Variants in CTDSP1 observed in about 807,000 individuals in gnomAD.
CTDSP1 encodes carboxy-terminal domain RNA polymerase II polypeptide A small phosphatase 1.
In CTDSP1, 15 loss-of-function variants were observed where a neutral mutation model predicts 32.5. That is an observed-to-expected ratio of 0.46 (90% CI 0.31 to 0.71). The LOEUF (loss-of-function observed/expected upper bound fraction) is 0.71, where lower values mean the gene tolerates loss of function less well. Among genes scored for constraint, CTDSP1 ranks in the 30% least tolerant of loss-of-function variants. CTDSP1 has a pLI of 0.05. For missense variants in CTDSP1, 294 were observed against 351.1 expected, an observed-to-expected ratio of 0.84 and a Z score of 1.30; for synonymous variants, 185 against 145.4, an observed-to-expected ratio of 1.27 and a Z score of -1.96.
chr2:218,401,670 C>T lies in CTDSP1; in HGVS notation c.174C>T (p.Ser58=), dbSNP rs2227250. ...ATGGGGAGGCCCTGCCTGCTCACAG[C>T]GGGGCGCCCCTGCTTGTGGAGGAGA... ...RDDGEALPAH[S]GAPLLVEENG... Residue 58 remains serine, a synonymous_variant, in exon 2 of 7, where the codon AGC becomes AGT. Transcript: ENST00000273062. The T allele has an allele frequency of 7.7e-4, 1,231 of 1,604,748 alleles. 13 individuals carry two copies. In the African/African-American group the frequency reaches 0.013, roughly 18 times the overall value.
intron 1 of CTDSP1, chr2:218,400,443 G>A: frequency 1.9e-6 from 1 of 519,798 alleles, no homozygotes; most frequent in South Asian, 1.9e-5. Context: ...GGCATTGCGT[G>A]GTGCATGGGC....
chr2:218,400,151 G>A lies in CTDSP1; in HGVS notation c.61G>A (p.Gly21Ser). ...SKEEARGPLR[G>S]KGDQKSAASQ... ...GGAGGAGGCTCGGGGCCCGCTGCGG[G>A]GCAAAGGTACCGGGGCTGCGGGGAG... Residue 21 changes from glycine to serine, a missense_variant, in exon 1 of 7, where the codon GGC (glycine) becomes AGC (serine). Gly to Ser is a moderately conservative substitution (Grantham distance 56, BLOSUM62 0). Coordinates refer to ENST00000273062, the MANE Select transcript of CTDSP1 (RefSeq NM_021198.3). 1 of 1,545,594 alleles carries A rather than the reference G, an allele frequency of 6.5e-7. No individual in the cohort carries two copies. The highest frequency in any genetic ancestry group is 1.2e-5 in the South Asian group (1 of 83,690).
rs2227254 is a variant in CTDSP1, at chr2:218,402,967, C to A, written c.379-68C>A. 3.4e-3 allele frequency: 4,150 copies of A among 1,217,916 alleles called. 81 individuals are homozygous for A. In the African/African-American group the frequency reaches 0.037, roughly 11 times the overall value. The allele number at this position is 1,217,916 out of a possible 1,614,324, so 75.4% of individuals were successfully genotyped here. A position where few individuals can be genotyped will look rare whatever the true frequency, so the allele number is the denominator to read the frequency against. ...CGCCTCTGCCTCCCTGGCCCATGCC[C>A]TGCCAGCCCTCGGCCACCCCCACAC... On this transcript the variant is annotated intron_variant, in intron 4 of 6. Coordinates refer to ENST00000273062, the MANE Select transcript of CTDSP1 (RefSeq NM_021198.3).
intron 1 of CTDSP1, 158 bp downstream of exon 1, chr2:218,400,315 C>T: frequency 1.3e-6 from 1 of 765,442 alleles, no homozygotes; most frequent in Non-Finnish European, 2.2e-6. Flanking sequence ...AGAGTTTGAA[C>T]TCAGAGGAGG....
upstream of CTDSP1, among the ~76,000 whole-genome samples, chr2:218,398,101 C>G (rs1403309688): frequency 1.3e-5 from 2 of 152,192 alleles, no homozygotes; most frequent in Non-Finnish European, 2.9e-5. Context: ...GAGGCCACGA[C>G]TCCACTCAGT....
In CTDSP1 at chr2:218,405,937, C is replaced by T. The variant is rs925541582; in HGVS notation, c.*1512C>T. ...ATGAGAACTAAAGAGAAAGCCAGACCCCTATCCTGCTTCTGTGGTTATTGC... is the reference window on the plus strand; with the variant it reads ...ATGAGAACTAAAGAGAAAGCCAGACTCCTATCCTGCTTCTGTGGTTATTGC... On this transcript the variant is annotated 3_prime_UTR_variant, in exon 7 of 7. Coordinates refer to ENST00000273062, the MANE Select transcript of CTDSP1 (RefSeq NM_021198.3). 6.5e-6 allele frequency: 1 copy of T among 152,838 alleles called. No individual in the cohort carries two copies. Among genetic ancestry groups the T allele is most frequent in the African/African-American group, 2.4e-5 (1 of 41,454 alleles). The allele number at this position is 152,838 out of a possible 1,614,324, so 9.5% of individuals were successfully genotyped here.
upstream of CTDSP1, chr2:218,399,833 G>A: frequency 8.3e-7 from 1 of 1,206,752 alleles, no homozygotes; most frequent in Non-Finnish European, 1.0e-6. Flanking sequence ...CCCTTTTAAG[G>A]GGGAGCCTTG....
intron 1 of CTDSP1, chr2:218,401,327 C>G (rs1360496723): frequency 1.7e-6 from 1 of 577,352 alleles, no homozygotes; most frequent in Admixed American, 3.1e-5. Flanking sequence ...CACGCACTCC[C>G]TATGTGGGCG....
In CTDSP1 at chr2:218,400,122, G is replaced by C. The variant is rs769541036; in HGVS notation, c.32G>C (p.Ser11Thr). The part of the protein sequence containing the change: MDSSAVITQI[S>T]KEEARGPLRG... ...AGCTCGGCCGTCATTACTCAGATCA[G>C]CAAGGAGGAGGCTCGGGGCCCGCTG... Residue 11 changes from serine to threonine, a missense_variant, in exon 1 of 7, where the codon AGC (serine) becomes ACC (threonine). Around this residue, in one of 2 missense-constraint regions of CTDSP1, gnomAD observed 148 missense variants for 113.3 expected, o/e 1.31. Coordinates refer to ENST00000273062, the MANE Select transcript of CTDSP1 (RefSeq NM_021198.3). 3.2e-6 allele frequency: 5 copies of C among 1,545,508 alleles called. No individual in the cohort carries two copies. The highest frequency in any genetic ancestry group is 1.7e-6 in the Non-Finnish European group (2 of 1,145,266).
At position 218,404,311 on chromosome 2, in the gene CTDSP1, G is replaced by C; in HGVS notation, c.672G>C (p.Ser224=). The change falls in exon 7 of 7, where the codon TCG becomes TCC. Residue 224 remains serine, a synonymous_variant. Coordinates refer to ENST00000273062, the MANE Select transcript of CTDSP1 (RefSeq NM_021198.3). ...FHPDNAVPVA[S]WFDNMSDTEL... is the part of the protein sequence containing the mutation. ...CACTTCCCCAGGTACCGGTGGCCTCGTGGTTTGACAACATGAGTGACACAG... is the reference window on the plus strand; with the variant it reads ...CACTTCCCCAGGTACCGGTGGCCTCCTGGTTTGACAACATGAGTGACACAG... The C allele has an allele frequency of 6.2e-7, 1 of 1,614,020 alleles. No individual in the cohort carries two copies. Among genetic ancestry groups the C allele is most frequent in the East Asian group, 2.2e-5 (1 of 44,874 alleles).
intron 1 of CTDSP1, 161 bp downstream of exon 1, chr2:218,400,318 A>T (rs1305763604): frequency 4.0e-6 from 3 of 759,200 alleles, no homozygotes; most frequent in Non-Finnish European, 6.7e-6. Flanking sequence ...GTTTGAACTC[A>T]GAGGAGGCTC....
intron 1 of CTDSP1, chr2:218,400,497 C>G: frequency 2.4e-6 from 1 of 422,360 alleles, no homozygotes; most frequent in Non-Finnish European, 4.5e-6. Context: ...GATGGGGGAG[C>G]TGAGGAGGGC....
At chr2:218,400,726 A>AAG in intron 1 of CTDSP1, 2 of 455,808 alleles carry the variant, frequency 4.4e-6, no homozygotes, top group South Asian at 3.1e-5. Flanking sequence ...CGGCACTTCC[A>AAG]AGAGTCGCTT....
At position 218,400,176 on chromosome 2, in the gene CTDSP1, G is replaced by C. The variant is rs1441019921; in HGVS notation, c.67+19G>C. 1 of 1,536,260 alleles carries C rather than the reference G, an allele frequency of 6.5e-7. No homozygotes were observed. Among genetic ancestry groups the C allele is most frequent in the East Asian group, 2.5e-5 (1 of 40,694 alleles). ...GGCAAAGGTACCGGGGCTGCGGGGA[G>C]GGGGCCGAAGCCGGGGCGCCGTGGG... On this transcript the variant is annotated intron_variant, in intron 1 of 6. Transcript: ENST00000273062.
intron 1 of CTDSP1, chr2:218,401,242 A>C: frequency 1.2e-5 from 5 of 422,530 alleles, no homozygotes; most frequent in Non-Finnish European, 8.9e-6. Context: ...AGGCACCGCA[A>C]TGGGGCTGAT....
At chr2:218,403,477 A>C in intron 6 of CTDSP1, 60 bp downstream of exon 6, 1 of 1,472,710 alleles carries the variant, frequency 6.8e-7, no homozygotes, top group Non-Finnish European at 9.1e-7. Context: ...GGGTCAGTCC[A>C]TTCAGGCCAC....
At chr2:218,401,947 G>A (rs1225675506) in intron 2 of CTDSP1, among the ~76,000 whole-genome samples, 164 bp from the exon 3 acceptor site, 1 of 152,186 alleles carries the variant, frequency 6.6e-6, no homozygotes, top group East Asian at 1.9e-4. Context: ...AGAGCCAAGA[G>A]GCCTACCCAA....
At chr2:218,400,909 C>G (rs919677552) in intron 1 of CTDSP1, 1 of 456,072 alleles carries the variant, frequency 2.2e-6, no homozygotes, top group Non-Finnish European at 4.4e-6. Flanking sequence ...TCTGCCCACC[C>G]TCGCCTGGGT....
upstream of CTDSP1, chr2:218,398,341 G>A (rs541970356): frequency 2.9e-5 from 40 of 1,395,780 alleles, no homozygotes; most frequent in African/African-American, 4.2e-4. Flanking sequence ...GGGTAAATGA[G>A]ATTAGGGGGC....
Sources: gnomAD v4.1 joint callset for allele counts (sites outside exome capture counted in the v4.1 genomes callset) on GRCh38, gnomAD v4.1.1 for gene constraint, gnomAD v4.1.1 regional missense constraint, MANE v1.5 for transcripts, NCBI Gene and HGNC (gene_info 2026-07-23, HGNC 2026-07-21) for gene names.